FUT8: variants seen among roughly 807,000 people sequenced by gnomAD.
FUT8 encodes alpha-(1,6)-fucosyltransferase.
In FUT8, 29 loss-of-function variants were observed where a neutral mutation model predicts 71.3. The ratio of observed to expected loss-of-function variants is 0.41; its 90% CI spans 0.30 to 0.55. The LOEUF (loss-of-function observed/expected upper bound fraction) is 0.55, where lower values mean the gene tolerates loss of function less well. Among genes scored for constraint, FUT8 ranks in the 20% least tolerant of loss-of-function variants. The pLI is 0.34. For missense variants in FUT8, 544 were observed against 702.1 expected (o/e 0.77, Z 2.55); for synonymous variants, 254 against 239.3 (o/e 1.06, Z -0.57).
chr14:65,653,536 A>G (rs948407776), intron 6 of FUT8, among the ~76,000 whole-genome samples: 3 of 152,218 alleles, frequency 2.0e-5, no homozygotes, highest in African/African-American at 7.2e-5. Context: ...CTAACAGGAA[A>G]AACTCAGATC....
chr14:65,390,709 C>T, the FUT8 span, among the ~76,000 whole-genome samples: 4 of 146,966 alleles, frequency 2.7e-5, no homozygotes, highest in Non-Finnish European at 4.4e-5. Context: ...ACCAAGTCTA[C>T]GATTAATTTC....
intron 8 of FUT8, among the ~76,000 whole-genome samples, chr14:65,723,525 A>G (rs755506028): frequency 6.6e-6 from 1 of 152,204 alleles, no homozygotes; most frequent in Non-Finnish European, 1.5e-5. Flanking sequence ...GAAATGCATT[A>G]TGCCCACAAC....
chr14:65,650,723 A>ACC (rs1566875538), intron 6 of FUT8, among the ~76,000 whole-genome samples: 3 of 150,072 alleles, frequency 2.0e-5, no homozygotes, highest in South Asian at 4.2e-4. Context: ...AAAAAAAAAA[A>ACC]AAAAAACAAA....
the FUT8 span, among the ~76,000 whole-genome samples, chr14:65,403,462 T>C: frequency 6.6e-6 from 1 of 152,194 alleles, no homozygotes; most frequent in African/African-American, 2.4e-5. Context: ...GGCAGTTATA[T>C]TGCAATGAAA....
chr14:65,558,739 G>T (rs1885737450), intron 2 of FUT8, among the ~76,000 whole-genome samples: 1 of 152,112 alleles, frequency 6.6e-6, no homozygotes, highest in African/African-American at 2.4e-5. Flanking sequence ...ACCTTGCAGA[G>T]GAAAATTGCA....
chr14:65,473,570 A>G (rs1566769817), intron 2 of FUT8, among the ~76,000 whole-genome samples: 1 of 152,192 alleles, frequency 6.6e-6, no homozygotes, highest in Non-Finnish European at 1.5e-5. Context: ...TATGTGCCAA[A>G]CTTGGTATTC....
chr14:65,618,628 AC>A (rs2140233701), intron 5 of FUT8, among the ~76,000 whole-genome samples: 1 of 152,318 alleles, frequency 6.6e-6, no homozygotes, highest in African/African-American at 2.4e-5. Context: ...AATAGAAAGG[AC>A]TTTTATTATG....
chr14:65,700,646 G>A (rs953684662), intron 7 of FUT8, among the ~76,000 whole-genome samples: 12 of 152,036 alleles, frequency 7.9e-5, no homozygotes, highest in Admixed American at 3.3e-4. Context: ...TGATCCGCCC[G>A]CCTTGGCCTC....
intron 1 of FUT8, among the ~76,000 whole-genome samples, chr14:65,453,858 T>C (rs1429029463): frequency 6.6e-6 from 1 of 152,226 alleles, no homozygotes; most frequent in East Asian, 1.9e-4. Context: ...ATCATTCTAG[T>C]AATTTTTGCC....
intron 7 of FUT8, among the ~76,000 whole-genome samples, chr14:65,699,710 G>A (rs191907403): frequency 1.3e-5 from 2 of 152,252 alleles, no homozygotes; most frequent in South Asian, 2.1e-4. Context: ...CAATTCCATT[G>A]TATTCTTTCA....
At chr14:65,592,391 C>G (rs1252486159) in intron 3 of FUT8, among the ~76,000 whole-genome samples, 1 of 151,908 alleles carries the variant, frequency 6.6e-6, no homozygotes, top group Non-Finnish European at 1.5e-5. Flanking sequence ...ATTGTGTTCT[C>G]TCAGAGAATA....
rs996370517 is a variant in FUT8, at chr14:65,643,712, A to C, written c.597+14106A>C. Among the ~76,000 whole-genome samples the C allele has an allele frequency of 9.1e-5, 13 of 142,374 alleles. No individual in the cohort carries two copies. The highest frequency in any genetic ancestry group is 3.0e-4 in the African/African-American group (12 of 39,496). The allele number at this position is 142,374 out of a possible 152,430, so 93.4% of individuals were successfully genotyped here. A position where few individuals can be genotyped will look rare whatever the true frequency, so the allele number is the denominator to read the frequency against. ...CACACACACACACACACACACACAC[A>C]CACCAGATTCCATTCTAGATGCTAT... On this transcript the variant is annotated intron_variant, in intron 6 of 10. Coordinates refer to ENST00000673929, the MANE Select transcript of FUT8 (RefSeq NM_001371533.1). This position sits in a 1 kb window ranked among gnomAD's most constrained non-coding sequence, Gnocchi z 4.5.
At chr14:65,396,534 C>T in the FUT8 span, among the ~76,000 whole-genome samples, 2 of 152,206 alleles carry the variant, frequency 1.3e-5, no homozygotes, top group Non-Finnish European at 2.9e-5. The surrounding 1 kb of genome is among the most constrained non-coding windows in gnomAD (Gnocchi z 5.5). Context: ...ACCACAAGAA[C>T]AGTACAGGGG....
chr14:65,417,822 G>A (rs943819732), intron 1 of FUT8, among the ~76,000 whole-genome samples: 5 of 151,956 alleles, frequency 3.3e-5, no homozygotes, highest in African/African-American at 4.8e-5. Flanking sequence ...CTTCTTCCTC[G>A]AAGCACTGGA....
intron 10 of FUT8, among the ~76,000 whole-genome samples, chr14:65,740,893 A>G (rs1046987020): frequency 3.9e-5 from 6 of 152,048 alleles, no homozygotes; most frequent in Admixed American, 1.3e-4. Flanking sequence ...TTTAATCTTC[A>G]TAAATGCCAA....
intron 7 of FUT8, among the ~76,000 whole-genome samples, chr14:65,682,662 G>A (rs1423581023): frequency 6.6e-6 from 1 of 152,206 alleles, no homozygotes; most frequent in East Asian, 1.9e-4. Flanking sequence ...GGCAGGTGAT[G>A]ATAAAAATAC....
intron 2 of FUT8, among the ~76,000 whole-genome samples, chr14:65,487,221 G>A (rs1364757547): frequency 3.3e-5 from 5 of 152,088 alleles, no homozygotes; most frequent in African/African-American, 1.2e-4. Context: ...TCAGAGGAGG[G>A]GAGAATTGAT....
intron 6 of FUT8, chr14:65,636,619 G>A (rs1961152989): frequency 6.6e-6 from 1 of 152,138 alleles, no homozygotes; most frequent in Non-Finnish European, 1.5e-5. Context: ...TCATTCAGGA[G>A]CAGGTAATTT....
At chr14:65,374,784 T>C in the FUT8 span, among the ~76,000 whole-genome samples, 1,066 of 151,614 alleles carry the variant, frequency 7.0e-3, 11 homozygotes, top group African/African-American at 0.025. Context: ...GTATTTTTAG[T>C]TGACGTGGGA....
Sources: allele counts gnomAD v4.1 joint callset (sites outside exome capture counted in the v4.1 genomes callset), GRCh38; gene constraint gnomAD v4.1.1; non-coding constraint Gnocchi (gnomAD v3.1); transcripts MANE v1.5; gene names NCBI Gene and HGNC (gene_info 2026-07-23, HGNC 2026-07-21).